NBPF8: variants seen among roughly 807,000 people sequenced by gnomAD.
NBPF8 encodes the protein NBPF family member NBPF8.
chr1:120,469,443 T>C (rs1437757310), downstream of NBPF8, among the ~76,000 whole-genome samples: 35 of 136,502 alleles, frequency 2.6e-4, no homozygotes, highest in Admixed American at 7.5e-5. Flanking sequence ...ACAACCAGAA[T>C]CATGTTTGGC....
At chr1:120,424,493 G>T (rs1370411134) in intron 1 of NBPF8, among the ~76,000 whole-genome samples, 1 of 151,958 alleles carries the variant, frequency 6.6e-6, no homozygotes, top group Non-Finnish European at 1.5e-5. Context: ...TTTTCCTTGG[G>T]CTCAAATGCA....
upstream of NBPF8, among the ~76,000 whole-genome samples, chr1:120,415,347 G>A (rs1463076168): frequency 6.6e-6 from 1 of 151,924 alleles, no homozygotes; most frequent in Non-Finnish European, 1.5e-5. Context: ...TCGAGCTGCG[G>A]CTGTCGCAAG....
At chr1:120,461,116 G>T (rs1182994742) in intron 18 of NBPF8, 138 bp from the exon 17 acceptor site, 15 of 557,098 alleles carry the variant, frequency 2.7e-5, no homozygotes, top group Non-Finnish European at 4.7e-5. Context: ...CAACATAAAG[G>T]CAATAATTTG....
At chr1:120,433,195 T>C (rs1261975010), upstream of NBPF8, 1 of 152,182 alleles carries the variant, frequency 6.6e-6, no homozygotes, top group African/African-American at 2.4e-5. Context: ...TGAAAGCTAG[T>C]TTCAAAATGT....
chr1:120,466,270 A>T, exon 25 of NBPF8: 1 of 1,598,066 alleles, frequency 6.3e-7, no homozygotes, highest in Non-Finnish European at 8.5e-7. Flanking sequence ...CAGGACCTAT[A>T]GGCGCCTGAA....
chr1:120,464,848 T>C (rs1412811712), intron 23 of NBPF8, among the ~76,000 whole-genome samples: 4 of 125,752 alleles, frequency 3.2e-5, no homozygotes, highest in African/African-American at 9.1e-5. Context: ...GACTCAAGGG[T>C]TTGTAGATTT....
intron 12 of NBPF8, 88 bp from the exon 11 acceptor site, chr1:120,452,029 G>A (rs1398469619): frequency 3.6e-6 from 5 of 1,392,156 alleles, no homozygotes; most frequent in Admixed American, 3.3e-5. Flanking sequence ...TCTCCTTGAG[G>A]ACATTGTCTC....
At chr1:120,462,099 T>A in intron 19 of NBPF8, 47 bp from the exon 18 acceptor site, 1 of 305,514 alleles carries the variant, frequency 3.3e-6, no homozygotes, top group Non-Finnish European at 5.8e-6. Context: ...GTTATGTGTG[T>A]AGGAGAACCA....
intron 2 of NBPF8, among the ~76,000 whole-genome samples, chr1:120,426,848 T>C (rs1215936005): frequency 6.6e-6 from 1 of 151,036 alleles, no homozygotes; most frequent in Admixed American, 6.6e-5. Flanking sequence ...TAGTTCAAAA[T>C]GAGGGAACAT....
downstream of NBPF8, among the ~76,000 whole-genome samples, chr1:120,468,046 G>C (rs1346285499): frequency 6.6e-6 from 1 of 150,868 alleles, no homozygotes; most frequent in Non-Finnish European, 1.5e-5. Flanking sequence ...TGTTTTTGAT[G>C]GTTTTCCTCC....
chr1:120,459,179 G>A (rs1293363581), intron 16 of NBPF8, among the ~76,000 whole-genome samples, 188 bp from the exon 15 acceptor site: 1 of 129,168 alleles, frequency 7.7e-6, no homozygotes, highest in Non-Finnish European at 1.7e-5. Context: ...GCCCATTTTT[G>A]CTCTGTCCCC....
intron 23 of NBPF8, among the ~76,000 whole-genome samples, chr1:120,464,906 A>C (rs1218227590): frequency 1.9e-5 from 1 of 51,828 alleles, no homozygotes; most frequent in Non-Finnish European, 4.1e-5. Context: ...AACCATGAAC[A>C]ATCTGAGTAT....
At chr1:120,420,347 G>T (rs1245221276) in intron 1 of NBPF8, among the ~76,000 whole-genome samples, 15 of 148,524 alleles carry the variant, frequency 1.0e-4, no homozygotes, top group African/African-American at 3.8e-4. Context: ...CTTCAGGAGA[G>T]GACAGTGTTC....
chr1:120,455,554 C>A, intron 16 of NBPF8, 94 bp downstream of exon 14: 1 of 522,758 alleles, frequency 1.9e-6, no homozygotes, highest in South Asian at 2.1e-5. Flanking sequence ...AGAACTATTT[C>A]TTCCATTCAC....
intron 13 of NBPF8, among the ~76,000 whole-genome samples, chr1:120,452,563 A>T (rs1326955482): frequency 6.6e-6 from 1 of 152,174 alleles, no homozygotes; most frequent in Non-Finnish European, 1.5e-5. Flanking sequence ...TCTCTGGAGC[A>T]AGAGGCAGCA....
downstream of NBPF8, among the ~76,000 whole-genome samples, chr1:120,468,357 GTCC>G (rs1661806738): frequency 6.6e-6 from 1 of 151,138 alleles, no homozygotes; most frequent in South Asian, 2.1e-4. Context: ...CCTTAACAGA[GTCC>G]TCATGAGGGA....
chr1:120,460,516 T>C, intron 17 of NBPF8, 57 bp from the exon 16 acceptor site: 1 of 967,678 alleles, frequency 1.0e-6, no homozygotes, highest in Non-Finnish European at 1.7e-6. Flanking sequence ...GAGGAATGTT[T>C]CTGTGTGCAA....
At chr1:120,466,435 T>G in exon 25 of NBPF8, 2 of 539,956 alleles carry the variant, frequency 3.7e-6, no homozygotes, top group Admixed American at 6.6e-5. Flanking sequence ...CACATAACTG[T>G]GCAGCACATG....
exon 25 of NBPF8, chr1:120,466,222 G>A: frequency 6.2e-7 from 1 of 1,608,332 alleles, no homozygotes; most frequent in East Asian, 2.2e-5. Context: ...CCCACAATAA[G>A]CAGCCCTTAC....
Sources: allele counts gnomAD v4.1 joint callset (sites outside exome capture counted in the v4.1 genomes callset), GRCh38; gene constraint gnomAD v4.1.1; transcripts MANE v1.5; gene names NCBI Gene and HGNC (gene_info 2026-07-23, HGNC 2026-07-21).